Variants in SEMA3A observed in about 807,000 individuals in gnomAD.
The protein encoded by SEMA3A is semaphorin 3A.
SEMA3A carries 29 observed loss-of-function variants against 97.9 expected under a neutral mutation model. That is an observed-to-expected ratio of 0.30 (90% CI 0.22 to 0.40). The LOEUF (loss-of-function observed/expected upper bound fraction) is 0.40, where lower values mean the gene tolerates loss of function less well. SEMA3A is among the 10% of genes least tolerant of loss of function. The pLI is 1.00. For missense variants in SEMA3A, 763 were observed against 951.3 expected (o/e 0.80, Z 2.60); for synonymous variants, 321 against 323.7 (o/e 0.99, Z 0.09).
At chr7:84,416,970 G>A (rs1228957) in intron 1 of SEMA3A, among the ~76,000 whole-genome samples, 69,743 of 151,850 alleles carry the variant, frequency 0.46, 17,650 homozygotes, top group East Asian at 0.79. Context: ...TTGCTTGTTC[G>A]TTAAGAATCC....
intron 4 of SEMA3A, among the ~76,000 whole-genome samples, chr7:84,097,535 C>T (rs546227929): frequency 7.9e-5 from 12 of 152,188 alleles, no homozygotes; most frequent in African/African-American, 2.4e-4. Context: ...CCATTAGACT[C>T]GCTTTTTAAC....
intron 1 of SEMA3A, among the ~76,000 whole-genome samples, chr7:84,179,526 A>C (rs1050517344): frequency 2.6e-5 from 4 of 152,228 alleles, no homozygotes; most frequent in South Asian, 4.2e-4. Flanking sequence ...AATAATTAAC[A>C]AGTCATTGTC....
chr7:84,432,088 T>C (rs1445502369), intron 1 of SEMA3A, among the ~76,000 whole-genome samples: 1 of 152,018 alleles, frequency 6.6e-6, no homozygotes, highest in Non-Finnish European at 1.5e-5. Context: ...CAATGGTAAG[T>C]GAGGCAGAGT....
chr7:84,145,955 G>A (rs1796451390), intron 1 of SEMA3A, among the ~76,000 whole-genome samples: 1 of 152,106 alleles, frequency 6.6e-6, no homozygotes, highest in East Asian at 1.9e-4. Context: ...GCCTGTTTCT[G>A]TAAGTTTCCA....
intron 1 of SEMA3A, among the ~76,000 whole-genome samples, chr7:84,390,623 G>A (rs1293016573): frequency 1.3e-5 from 2 of 151,976 alleles, no homozygotes; most frequent in East Asian, 3.9e-4. Flanking sequence ...CTCAATAAGT[G>A]ACAATAAGTA....
At chr7:83,992,121 G>C (rs1789973830) in intron 12 of SEMA3A, among the ~76,000 whole-genome samples, 1 of 147,188 alleles carries the variant, frequency 6.8e-6, no homozygotes, top group African/African-American at 2.5e-5. Context: ...GGTGTTTGTA[G>C]TATTCTCTGA....
intron 3 of SEMA3A, among the ~76,000 whole-genome samples, chr7:84,267,463 C>T (rs35837571): frequency 1.2e-3 from 188 of 152,194 alleles, no homozygotes; most frequent in Non-Finnish European, 2.1e-3. Flanking sequence ...TAGTATTAAA[C>T]TATGTCCCTT....
chr7:84,073,322 C>T (rs755034092), intron 4 of SEMA3A, among the ~76,000 whole-genome samples: 1 of 151,522 alleles, frequency 6.6e-6, no homozygotes, highest in Non-Finnish European at 1.5e-5. Flanking sequence ...CAGTAGAATC[C>T]ACAGAGAGAG....
intron 3 of SEMA3A, among the ~76,000 whole-genome samples, chr7:84,279,447 T>A (rs567992762): frequency 3.0e-3 from 210 of 69,660 alleles, no homozygotes; most frequent in African/African-American, 0.019. Flanking sequence ...CAATACCCTA[T>A]AATCTTAAAA....
intron 3 of SEMA3A, among the ~76,000 whole-genome samples, chr7:84,230,267 T>C (rs948184403): frequency 6.6e-6 from 1 of 152,028 alleles, no homozygotes; most frequent in African/African-American, 2.4e-5. Context: ...CTTTTTTCTT[T>C]TCAGTCTAAC....
At chr7:84,009,905 CAAAAAAAAA>C (rs3074687) in intron 9 of SEMA3A, among the ~76,000 whole-genome samples, 1 of 91,708 alleles carries the variant, frequency 1.1e-5, no homozygotes, top group South Asian at 4.5e-4. Context: ...ACACTGGTTA[CAAAAAAAAA>C]AAAAAAAAAA....
intron 1 of SEMA3A, among the ~76,000 whole-genome samples, chr7:84,152,263 T>G (rs1796695462): frequency 6.8e-6 from 1 of 146,558 alleles, no homozygotes; most frequent in Non-Finnish European, 1.5e-5. Context: ...TGCGGCATTA[T>G]TCACAATAGC....
intron 3 of SEMA3A, among the ~76,000 whole-genome samples, chr7:84,262,561 A>T (rs771129999): frequency 8.5e-5 from 13 of 152,154 alleles, no homozygotes; most frequent in Non-Finnish European, 1.5e-4. Context: ...AAACTTATTC[A>T]ACATTTAAAA....
At chr7:84,461,150 T>C (rs1280085331) in intron 1 of SEMA3A, among the ~76,000 whole-genome samples, 2 of 152,180 alleles carry the variant, frequency 1.3e-5, no homozygotes, top group African/African-American at 4.8e-5. Context: ...CTAAATGTCA[T>C]GTAATAGACA....
intron 5 of SEMA3A, among the ~76,000 whole-genome samples, chr7:84,052,121 T>C (rs1342899942): frequency 6.6e-6 from 1 of 152,164 alleles, no homozygotes; most frequent in East Asian, 1.9e-4. Flanking sequence ...GCCAGTATTT[T>C]ATTGAGGATT....
intron 3 of SEMA3A, among the ~76,000 whole-genome samples, chr7:84,286,433 C>T (rs1044090583): frequency 1.3e-5 from 2 of 152,110 alleles, no homozygotes; most frequent in Non-Finnish European, 2.9e-5. Context: ...AATGTTGTAT[C>T]TAAAATAGTA....
chr7:84,433,267 C>T (rs186091890), intron 1 of SEMA3A, among the ~76,000 whole-genome samples: 139 of 150,794 alleles, frequency 9.2e-4, no homozygotes, highest in African/African-American at 3.0e-3. Flanking sequence ...TGATGTTCCC[C>T]TCCCTGTGTC....
chr7:84,412,373 G>GT (rs1220447867), intron 1 of SEMA3A, among the ~76,000 whole-genome samples: 1 of 152,164 alleles, frequency 6.6e-6, no homozygotes, highest in East Asian at 1.9e-4. Flanking sequence ...TTGTTCCATG[G>GT]TGAGTGCTTA....
intron 4 of SEMA3A, among the ~76,000 whole-genome samples, chr7:84,071,554 C>G (rs1390799369): frequency 6.6e-6 from 1 of 151,986 alleles, no homozygotes; most frequent in Admixed American, 6.6e-5. Context: ...TCACTTTTCC[C>G]TAATCTAAGC....
Sources: allele counts gnomAD v4.1 joint callset (sites outside exome capture counted in the v4.1 genomes callset), GRCh38; gene constraint gnomAD v4.1.1; transcripts MANE v1.5; gene names NCBI Gene and HGNC (gene_info 2026-07-23, HGNC 2026-07-21).